UGT1A8: variants seen among roughly 807,000 people sequenced by gnomAD.
The protein encoded by UGT1A8 is UDP-glucuronosyltransferase 1A8.
In UGT1A8, 39 loss-of-function variants were observed where a neutral mutation model predicts 45.3. The observed-to-expected ratio is 0.86, with a 90% CI of 0.67 to 1.12. UGT1A8 has a LOEUF of 1.12. Among genes scored for constraint, UGT1A8 ranks in the 50% most tolerant of loss-of-function variants. UGT1A8 has a pLI of 0.00. For synonymous variants in UGT1A8, 275 were observed against 249.2 expected (o/e 1.10, Z -0.97); for missense variants, 719 against 664.9 (o/e 1.08, Z -0.90).
intron 1 of UGT1A8, among the ~76,000 whole-genome samples, chr2:233,751,670 A>G (rs181652696): frequency 2.6e-4 from 40 of 152,190 alleles, no homozygotes; most frequent in Admixed American, 1.9e-3. Flanking sequence ...AGTGAGTTCT[A>G]ATGAGAGCTG....
chr2:233,622,059 C>T (rs2073018030), intron 1 of UGT1A8, among the ~76,000 whole-genome samples: 1 of 152,190 alleles, frequency 6.6e-6, no homozygotes, highest in East Asian at 1.9e-4. Flanking sequence ...AGGACATGAA[C>T]TCATCCTTTT....
chr2:233,730,227 G>A (rs1389808961), intron 1 of UGT1A8, among the ~76,000 whole-genome samples: 1 of 152,112 alleles, frequency 6.6e-6, no homozygotes, highest in Admixed American at 6.5e-5. Context: ...TTTGTAAAAG[G>A]ATGGACAAGG....
At chr2:233,757,710 G>A (rs942741461) in intron 1 of UGT1A8, among the ~76,000 whole-genome samples, 2 of 151,554 alleles carry the variant, frequency 1.3e-5, no homozygotes, top group Admixed American at 6.6e-5. Flanking sequence ...TTTGCTTCCC[G>A]GGAGGGTCCT....
chr2:233,666,272 A>C (rs557291154), intron 1 of UGT1A8, among the ~76,000 whole-genome samples: 3 of 152,340 alleles, frequency 2.0e-5, no homozygotes, highest in African/African-American at 7.2e-5. Flanking sequence ...ATCCACTCAA[A>C]CACCTCCTGC....
Position 233,713,004 on chromosome 2 carries a change from C to A in UGT1A8, c.856-54030C>A, listed in dbSNP as rs942673517. ...GGCTTCTGCTGAGATGGCCACAGGA[C>A]TCCAGGTTCCCCTGCCGCAGCTGGC... On this transcript the variant is annotated intron_variant, in intron 1 of 4. Coordinates refer to ENST00000373450, the MANE Select transcript of UGT1A8 (RefSeq NM_019076.5). 1.5e-5 allele frequency: 25 copies of A among 1,613,434 alleles called. No individual in the cohort carries two copies. The highest frequency in any genetic ancestry group is 2.0e-5 in the Non-Finnish European group (24 of 1,180,048).
intron 1 of UGT1A8, among the ~76,000 whole-genome samples, chr2:233,631,282 A>C (rs1434495301): frequency 6.6e-6 from 1 of 152,118 alleles, no homozygotes; most frequent in Admixed American, 6.5e-5. Context: ...GCTATTGTGA[A>C]TAGTGCTGCA....
chr2:233,627,607 CCCTTCCTTCCTTCCTTTCTT>C (rs2073106787), intron 1 of UGT1A8, among the ~76,000 whole-genome samples: 1 of 140,306 alleles, frequency 7.1e-6, no homozygotes, highest in South Asian at 2.3e-4. Context: ...TCATGAATCT[CCCTTCCTTCCTTCCTTTCTT>C]CCTTCCTTCC....
intron 1 of UGT1A8, among the ~76,000 whole-genome samples, chr2:233,695,422 CCTT>C (rs34487948): frequency 0.29 from 43,778 of 150,946 alleles, 6,669 homozygotes; most frequent in South Asian, 0.38. Context: ...CCGCGCCCGG[CCTT>C]CTTCTTCTTC....
chr2:233,618,337 C>T lies in UGT1A8; in HGVS notation c.630C>T (p.His210=), dbSNP rs766665782. Residue 210 remains histidine, a synonymous_variant, in exon 1 of 5, where the codon CAC becomes CAT. Coordinates refer to ENST00000373450, the MANE Select transcript of UGT1A8 (RefSeq NM_019076.5). The part of the protein sequence containing the change: ...AMTFKERVRN[H]IMHLEEHLFC... ...CTTTCAAGGAGAGAGTACGGAACCA[C>T]ATCATGCACTTGGAGGAACATTTAT... 10 of 1,613,958 alleles carry T rather than the reference C, an allele frequency of 6.2e-6. No homozygotes were observed. In the South Asian group the frequency reaches 9.9e-5, roughly 16 times the overall value.
At chr2:233,627,607 CCCTT>C (rs1207219955) in intron 1 of UGT1A8, among the ~76,000 whole-genome samples, 5 of 140,304 alleles carry the variant, frequency 3.6e-5, no homozygotes, top group African/African-American at 5.3e-5. Context: ...TCATGAATCT[CCCTT>C]CCTTCCTTCC....
At chr2:233,636,331 A>G in intron 1 of UGT1A8, 2 of 949,744 alleles carry the variant, frequency 2.1e-6, no homozygotes, top group South Asian at 4.8e-5. Flanking sequence ...ACAAGTAGGT[A>G]TCTCAGCAAA....
At chr2:233,658,081 C>T (rs1185543154) in intron 1 of UGT1A8, among the ~76,000 whole-genome samples, 1 of 147,954 alleles carries the variant, frequency 6.8e-6, no homozygotes, top group Non-Finnish European at 1.5e-5. Flanking sequence ...TGCAGTGGGG[C>T]AATCTTGGCT....
intron 1 of UGT1A8, among the ~76,000 whole-genome samples, chr2:233,669,571 A>C (rs2074140200): frequency 6.6e-6 from 1 of 152,102 alleles, no homozygotes; most frequent in African/African-American, 2.4e-5. Flanking sequence ...TGCTGTTTTC[A>C]TTCCAATTTT....
chr2:233,759,342 C>T (rs1337999825), intron 1 of UGT1A8, among the ~76,000 whole-genome samples: 5 of 152,112 alleles, frequency 3.3e-5, no homozygotes, highest in African/African-American at 9.7e-5. Flanking sequence ...TTCAGGTGAG[C>T]GCTGAAAATC....
intron 1 of UGT1A8, among the ~76,000 whole-genome samples, chr2:233,677,872 A>T (rs28948388): frequency 0.028 from 4,312 of 152,304 alleles, 98 homozygotes; most frequent in Non-Finnish European, 0.045. Context: ...ATGCACTGGT[A>T]TGTTCATTGC....
rs1375960685 is a variant in UGT1A8 at position 233,768,542 on chromosome 2, T to C, written c.1295+103T>C. On this transcript the variant is annotated intron_variant, in intron 4 of 4. Coordinates refer to ENST00000373450, the MANE Select transcript of UGT1A8 (RefSeq NM_019076.5). ...TAGCATTTAATAGCGTTGTTTCAAA[T>C]ATAAAAACAAATACATAAAAATCTG... 2.1e-6 allele frequency: 3 copies of C among 1,457,940 alleles called. No individual in the cohort carries two copies. In the African/African-American group the frequency reaches 4.3e-5, roughly 21 times the overall value. The allele number at this position is 1,457,940 out of a possible 1,614,324, so 90.3% of individuals were successfully genotyped here.
At position 233,772,309 on chromosome 2, in the gene UGT1A8, CGGTG is replaced by C. The variant is rs768601491; in HGVS notation, c.1345_1348del (p.Val449SerfsTer13). On this transcript the variant is annotated frameshift_variant, in exon 5 of 5. Transcript: ENST00000373450. LOFTEE classifies it high-confidence loss of function. ...CTCTCCAGCCTTCACAAGGACCGCCCGGTGGAGCCGCTGGACCTGGCCGTGTTCT... is the reference window on the plus strand; with the variant it reads ...CTCTCCAGCCTTCACAAGGACCGCCCGAGCCGCTGGACCTGGCCGTGTTCT... 1.9e-6 allele frequency: 3 copies of C among 1,614,206 alleles called. No individual in the cohort carries two copies. The highest frequency in any genetic ancestry group is 2.5e-6 in the Non-Finnish European group (3 of 1,180,052).
chr2:233,737,525 C>T (rs943562691), intron 1 of UGT1A8, among the ~76,000 whole-genome samples: 11 of 152,188 alleles, frequency 7.2e-5, no homozygotes, highest in African/African-American at 1.4e-4. Context: ...GGTGAGGCGA[C>T]GCCCTGCCCT....
chr2:233,692,092 A>G (rs867976359), intron 1 of UGT1A8: 2 of 152,168 alleles, frequency 1.3e-5, no homozygotes, highest in East Asian at 1.9e-4. Context: ...GATTGATTTG[A>G]TCACCGATGG....
Sources: allele counts gnomAD v4.1 joint callset (sites outside exome capture counted in the v4.1 genomes callset), GRCh38; gene constraint gnomAD v4.1.1; transcripts MANE v1.5; gene names NCBI Gene and HGNC (gene_info 2026-07-23, HGNC 2026-07-21).